Variants in IFT74 observed in about 807,000 individuals in gnomAD.
IFT74 encodes intraflagellar transport protein 74 homolog.
In IFT74, 92 loss-of-function variants were observed where a neutral mutation model predicts 96.7. The observed-to-expected ratio is 0.95, with a 90% confidence interval of 0.80 to 1.13. The LOEUF (loss-of-function observed/expected upper bound fraction) is 1.13, where lower values mean the gene tolerates loss of function less well. Among genes scored for constraint, IFT74 ranks in the 50% most tolerant of loss-of-function variants. The pLI is 0.00. For synonymous variants in IFT74, 223 were observed against 213.2 expected (o/e 1.05, Z -0.40); for missense variants, 811 against 698.2 (o/e 1.16, Z -1.82).
In IFT74 at chr9:27,062,859, T is replaced by A; in HGVS notation, c.*123T>A. ...TACCTAAAATTTCTGAATGTTATAA[T>A]TTTTGTGGCCTCTTTTAAGAATGAT... On this transcript the variant is annotated 3_prime_UTR_variant, in exon 20 of 20. Transcript: ENST00000380062. The A allele has an allele frequency of 1.6e-6, 1 of 633,282 alleles. No individual in the cohort carries two copies. The highest frequency in any genetic ancestry group is 2.8e-6 in the Non-Finnish European group (1 of 356,178). The allele number at this position is 633,282 out of a possible 1,614,324, so 39.2% of individuals were successfully genotyped here.
At chr9:26,996,507 A>G (rs769026684) in intron 8 of IFT74, 2 of 1,418,112 alleles carry the variant, frequency 1.4e-6, no homozygotes, top group Non-Finnish European at 1.9e-6. Context: ...TTTCTAGTAA[A>G]TCAGAAAGAA....
At position 26,980,613 on chromosome 9, in the gene IFT74, T is replaced by C; in HGVS notation, c.299T>C (p.Leu100Pro). The C allele has an allele frequency of 6.3e-7, 1 of 1,594,424 alleles. No individual in the cohort carries two copies. The highest frequency in any genetic ancestry group is 8.6e-7 in the Non-Finnish European group (1 of 1,163,170). ...QILDKSYYLG[L>P]LRSKISELTT... ...TTAGACAAATCTTACTATCTTGGGC[T>C]TCTTAGGTATGTTAAACATATCTTT... Residue 100 changes from leucine to proline, a missense_variant, in exon 4 of 20, where the codon CTT (leucine) becomes CCT (proline). Physicochemically the swap from Leu to Pro is moderately conservative, Grantham distance 98. Coordinates refer to ENST00000380062, the MANE Select transcript of IFT74 (RefSeq NM_025103.4).
At chr9:27,060,681 G>A (rs1186156719) in intron 19 of IFT74, 30 bp downstream of exon 19, 9 of 1,537,982 alleles carry the variant, frequency 5.9e-6, no homozygotes, top group Middle Eastern at 1.7e-4. Context: ...AAATGGGGCC[G>A]GGTGCGGTGG....
At position 26,978,080 on chromosome 9, in the gene IFT74, C is replaced by A. The variant is rs554056766; in HGVS notation, c.121-48C>A. 6 of 1,489,110 alleles carry A rather than the reference C, an allele frequency of 4.0e-6. No homozygotes were observed. The Admixed American group carries it at 1.3e-4, about 31-fold the overall frequency. 92.2% of individuals were successfully genotyped at this position (1,489,110 alleles called of 1,614,324 possible). Reference sequence around the variant, plus strand: ...TTGCAGTTTTACAATAAAAGATGTACAGTGTTTTTTCTGGTTTACTAAAAA... The same window carrying A: ...TTGCAGTTTTACAATAAAAGATGTAAAGTGTTTTTTCTGGTTTACTAAAAA... On this transcript the variant is annotated intron_variant, in intron 2 of 19. Transcript: ENST00000380062.
intron 8 of IFT74, among the ~76,000 whole-genome samples, chr9:26,997,210 C>T (rs1182178177): frequency 7.3e-6 from 1 of 136,674 alleles, no homozygotes; most frequent in Non-Finnish European, 1.5e-5. Context: ...AAAACTCTGT[C>T]TCAAAAAAAA....
intron 8 of IFT74, chr9:26,999,770 C>CTTTTT (rs1179000269): frequency 3.1e-4 from 106 of 340,138 alleles, no homozygotes; most frequent in African/African-American, 2.4e-3. Flanking sequence ...TCTGTTTATT[C>CTTTTT]TTTTTTTTTT....
At chr9:27,040,289 G>A (rs895009411) in intron 13 of IFT74, among the ~76,000 whole-genome samples, 7 of 152,060 alleles carry the variant, frequency 4.6e-5, no homozygotes, top group Non-Finnish European at 7.4e-5. Flanking sequence ...AGTGGCTCAC[G>A]CCTGTAATCC....
intron 3 of IFT74, among the ~76,000 whole-genome samples, 179 bp downstream of exon 3, chr9:26,978,442 C>T (rs756218386): frequency 2.6e-5 from 4 of 152,028 alleles, no homozygotes; most frequent in Non-Finnish European, 5.9e-5. Context: ...GGCATGTAAT[C>T]AGAATTATGG....
intron 13 of IFT74, among the ~76,000 whole-genome samples, chr9:27,035,003 AATTAG>A (rs1461862129): frequency 1.3e-5 from 2 of 152,220 alleles, no homozygotes; most frequent in African/African-American, 2.4e-5. Flanking sequence ...TTATTGTGAG[AATTAG>A]ATTAGATAAT....
intron 1 of IFT74, among the ~76,000 whole-genome samples, chr9:26,949,063 A>G (rs552815444): frequency 3.9e-5 from 6 of 151,934 alleles, no homozygotes; most frequent in Non-Finnish European, 5.9e-5. Flanking sequence ...TCAATATAGT[A>G]TTTACTGCAT....
At chr9:27,006,962 A>G (rs768712924) in intron 8 of IFT74, among the ~76,000 whole-genome samples, 25 of 148,012 alleles carry the variant, frequency 1.7e-4, no homozygotes, top group Non-Finnish European at 2.4e-4. Context: ...TCAGCCTCCC[A>G]AGTAGCTGGG....
At chr9:27,021,063 G>T (rs192050775) in intron 12 of IFT74, among the ~76,000 whole-genome samples, 309 of 152,174 alleles carry the variant, frequency 2.0e-3, no homozygotes, top group African/African-American at 7.2e-3. Context: ...TAGAATAACT[G>T]TCTCCAACTC....
intron 16 of IFT74, among the ~76,000 whole-genome samples, chr9:27,052,449 A>G (rs999384922): frequency 1.1e-4 from 16 of 149,502 alleles, no homozygotes; most frequent in African/African-American, 4.0e-4. Context: ...TGGAGGTTGC[A>G]GTGAGCCGAG....
chr9:26,948,448 ATTTTTTTT>A (rs71841244), intron 1 of IFT74, among the ~76,000 whole-genome samples: 46 of 59,142 alleles, frequency 7.8e-4, no homozygotes, highest in Non-Finnish European at 1.2e-3. Flanking sequence ...GCTTTCCATT[ATTTTTTTT>A]TTTTTTTTTT....
chr9:27,001,111 T>C (rs1237125531), intron 8 of IFT74, among the ~76,000 whole-genome samples: 1 of 152,126 alleles, frequency 6.6e-6, no homozygotes, highest in Non-Finnish European at 1.5e-5. Flanking sequence ...CCGGTTCCGT[T>C]TTTGTTGCCG....
chr9:26,997,581 G>A (rs1563960378), intron 8 of IFT74: 3 of 794,264 alleles, frequency 3.8e-6, no homozygotes, highest in Admixed American at 3.3e-5. Context: ...TGATCCCCCT[G>A]CCTTGGCCTC....
At chr9:26,978,504 A>G (rs1827223316) in intron 3 of IFT74, among the ~76,000 whole-genome samples, 1 of 152,208 alleles carries the variant, frequency 6.6e-6, no homozygotes, top group Admixed American at 6.5e-5. Flanking sequence ...GTTAAACAAC[A>G]GAGTGAATAT....
rs145647314 is a variant in IFT74, at chr9:27,038,753, A to T, written c.1055-5989A>T. Among the ~76,000 whole-genome samples the T allele has an allele frequency of 3.8e-3, 585 of 152,354 alleles. 5 individuals carry two copies. The highest frequency in any genetic ancestry group is 0.013 in the African/African-American group (560 of 41,588). On this transcript the variant is annotated intron_variant, in intron 13 of 19. Transcript: ENST00000380062. The stretch of plus-strand genomic sequence containing the variant: ...TGACAGTGATAACAGATTTAGCAGA[A>T]ACAGAGTCCTCAATTTGGATACTTG...
chr9:26,952,748 T>C (rs1408449137), upstream of IFT74, among the ~76,000 whole-genome samples: 1 of 152,186 alleles, frequency 6.6e-6, no homozygotes, highest in Non-Finnish European at 1.5e-5. Flanking sequence ...AATGTTAACA[T>C]TGAATACTTA....
Sources: gnomAD v4.1 joint callset for allele counts (sites outside exome capture counted in the v4.1 genomes callset) on GRCh38, gnomAD v4.1.1 for gene constraint, MANE v1.5 for transcripts, NCBI Gene and HGNC (gene_info 2026-07-23, HGNC 2026-07-21) for gene names.